The following SBF2 variants were observed in gnomAD, a reference collection of about 807,000 sequenced individuals.
SBF2 encodes myotubularin-related protein 13.
In SBF2, 112 loss-of-function variants were observed where a neutral mutation model predicts 225.2. The observed-to-expected ratio is 0.50, with a 90% CI of 0.43 to 0.58. SBF2 has a LOEUF of 0.58. Among genes scored for constraint, SBF2 ranks in the 20% least tolerant of loss-of-function variants. The pLI, the probability that SBF2 is intolerant of heterozygous loss-of-function variation, is 0.00. For missense variants in SBF2, 1,996 were observed against 2,206.2 expected, an observed-to-expected ratio of 0.90 and a Z score of 1.91; for synonymous variants, 763 against 773.3, an observed-to-expected ratio of 0.99 and a Z score of 0.22.
chr11:10,244,253 C>T (rs750209461), intron 1 of SBF2, among the ~76,000 whole-genome samples: 2 of 152,100 alleles, frequency 1.3e-5, no homozygotes, highest in Non-Finnish European at 2.9e-5. Flanking sequence ...TGAGTTTCAT[C>T]GTTTCAGGTC....
intron 16 of SBF2, among the ~76,000 whole-genome samples, chr11:9,906,877 T>C (rs1862160842): frequency 6.6e-6 from 1 of 152,234 alleles, no homozygotes; most frequent in Non-Finnish European, 1.5e-5. Context: ...AGCCCTGCAA[T>C]CTTAATTTCC....
chr11:9,920,219 T>TACAC (rs371322989), intron 16 of SBF2, among the ~76,000 whole-genome samples: 52 of 149,622 alleles, frequency 3.5e-4, no homozygotes, highest in African/African-American at 7.6e-4. Flanking sequence ...TATATATATA[T>TACAC]ACACACACAT....
At chr11:9,925,759 T>G (rs947388527) in intron 16 of SBF2, among the ~76,000 whole-genome samples, 1 of 152,238 alleles carries the variant, frequency 6.6e-6, no homozygotes, top group African/African-American at 2.4e-5. Flanking sequence ...ATAGGTCTTA[T>G]AGTCCTAAAG....
chr11:10,223,218 G>A (rs759884917), intron 1 of SBF2, among the ~76,000 whole-genome samples: 2 of 151,094 alleles, frequency 1.3e-5, no homozygotes, highest in East Asian at 3.9e-4. Context: ...ATTCCTTAAT[G>A]AGTCCTGTCA....
intron 16 of SBF2, among the ~76,000 whole-genome samples, chr11:9,916,432 T>C (rs1421258536): frequency 1.3e-5 from 2 of 152,154 alleles, no homozygotes; most frequent in African/African-American, 4.8e-5. Context: ...GAATGAAATA[T>C]ATTTATATCT....
intron 16 of SBF2, among the ~76,000 whole-genome samples, chr11:9,937,521 C>T (rs1181983510): frequency 2.0e-5 from 3 of 151,844 alleles, no homozygotes; most frequent in African/African-American, 4.8e-5. Flanking sequence ...AAATAATTAT[C>T]CTAAATAACA....
At chr11:10,228,345 C>T (rs565734673) in intron 1 of SBF2, among the ~76,000 whole-genome samples, 2 of 152,306 alleles carry the variant, frequency 1.3e-5, no homozygotes, top group African/African-American at 2.4e-5. Context: ...CTGGCCAGAA[C>T]TTCCAACACT....
At chr11:9,913,284 A>T (rs1365596115) in intron 16 of SBF2, among the ~76,000 whole-genome samples, 4 of 152,210 alleles carry the variant, frequency 2.6e-5, no homozygotes, top group Non-Finnish European at 1.5e-5. Context: ...CAAACAAACA[A>T]ACAAAATGAG....
chr11:9,930,648 G>C (rs1864423033), intron 16 of SBF2, among the ~76,000 whole-genome samples: 1 of 152,228 alleles, frequency 6.6e-6, no homozygotes, highest in African/African-American at 2.4e-5. Context: ...TGGCTGAACA[G>C]GAACAGCTCT....
intron 28 of SBF2, among the ~76,000 whole-genome samples, chr11:9,824,824 C>T (rs938109557): frequency 1.3e-5 from 2 of 152,044 alleles, no homozygotes; most frequent in Non-Finnish European, 2.9e-5. Context: ...ACTTTCCTTG[C>T]TGACAATGTA....
chr11:9,842,316 G>A (rs1590200897), intron 25 of SBF2, among the ~76,000 whole-genome samples: 1 of 152,092 alleles, frequency 6.6e-6, no homozygotes, highest in East Asian at 1.9e-4. Flanking sequence ...TAAGATACAG[G>A]GGACTACTCT....
intron 2 of SBF2, among the ~76,000 whole-genome samples, chr11:10,132,513 G>A (rs889082571): frequency 2.7e-5 from 4 of 147,788 alleles, no homozygotes; most frequent in South Asian, 2.1e-4. Flanking sequence ...GCAGACCTTC[G>A]CGGTGAGTGT....
intron 2 of SBF2, among the ~76,000 whole-genome samples, chr11:10,108,515 C>CTTTTT (rs34189666): frequency 1.1e-4 from 9 of 83,462 alleles, no homozygotes; most frequent in South Asian, 4.6e-4. Context: ...TAATAGTTAA[C>CTTTTT]TTTTTTTTTT....
chr11:9,793,625 A>T (rs963296267), intron 33 of SBF2, among the ~76,000 whole-genome samples: 2 of 147,982 alleles, frequency 1.4e-5, no homozygotes, highest in African/African-American at 4.9e-5. Context: ...CCTGGCCTCA[A>T]GCAATTCACC....
chr11:10,028,538 G>C lies in SBF2; in HGVS notation c.533C>G (p.Ala178Gly), dbSNP rs1196534277. The C allele has an allele frequency of 5.6e-6, 9 of 1,612,144 alleles. No homozygotes were observed. The highest frequency in any genetic ancestry group is 7.6e-6 in the Non-Finnish European group (9 of 1,178,382). Residue 178 changes from alanine (A) to glycine (G), a missense_variant, in exon 6 of 40, where the codon GCA (alanine) becomes GGA (glycine). Transcript: ENST00000256190. ...GGSQKLFSLGAGDRQLIQTPL... is the reference protein window; with the variant it reads ...GGSQKLFSLGGGDRQLIQTPL... ...AGTCTGGATCAACTGTCTATCTCCT[G>C]CACCCAAAGAAAACAGCTTCTGCAG...
chr11:9,827,306 C>A (rs1243942139), intron 28 of SBF2, among the ~76,000 whole-genome samples: 1 of 152,128 alleles, frequency 6.6e-6, no homozygotes, highest in African/African-American at 2.4e-5. Flanking sequence ...GGTGGGAGGA[C>A]TGCTTCAGGC....
Position 10,268,992 on chromosome 11 carries a change from C to T in SBF2, c.55+25023G>A, listed in dbSNP as rs139531926. 1.9e-3 allele frequency among the ~76,000 whole-genome samples: 285 copies of T among 152,236 alleles called. 1 individual carries two copies. The highest frequency in any genetic ancestry group is 6.3e-3 in the African/African-American group (263 of 41,550). On this transcript the variant is annotated intron_variant, in intron 1 of 39. Coordinates refer to ENST00000256190, the MANE Select transcript of SBF2 (RefSeq NM_030962.4). ...TTCCTCTGTTGTTTCTTAAGCAATA[C>T]CTCATTAAGTGATTTTTTTTTCCTA...
At chr11:10,053,123 AT>A (rs1407980947) in intron 2 of SBF2, among the ~76,000 whole-genome samples, 3 of 152,024 alleles carry the variant, frequency 2.0e-5, no homozygotes, top group African/African-American at 7.2e-5. Context: ...GTATTTATAT[AT>A]TTTTAACATA....
chr11:10,174,868 A>G (rs1447083061), intron 2 of SBF2, among the ~76,000 whole-genome samples: 1 of 151,116 alleles, frequency 6.6e-6, no homozygotes, highest in Non-Finnish European at 1.5e-5. Context: ...AACATTCTTA[A>G]AGAAAAGAAT....
Sources: allele counts gnomAD v4.1 joint callset (sites outside exome capture counted in the v4.1 genomes callset), GRCh38; gene constraint gnomAD v4.1.1; transcripts MANE v1.5; gene names NCBI Gene and HGNC (gene_info 2026-07-23, HGNC 2026-07-21).